The following PADI2 variants were observed in gnomAD, a reference collection of about 807,000 sequenced individuals.
The protein encoded by PADI2 is peptidyl arginine deiminase 2.
A neutral mutation model predicts 81.1 loss-of-function variants in PADI2; 70 were observed. The observed-to-expected ratio is 0.86, with a 90% CI of 0.71 to 1.05. PADI2 has a LOEUF of 1.05. PADI2 is among the 50% of genes least tolerant of loss of function. PADI2 has a pLI of 0.00. For missense variants in PADI2, 853 were observed against 889.9 expected (o/e 0.96, Z 0.53); for synonymous variants, 338 against 358.0 (o/e 0.94, Z 0.63).
intron 2 of PADI2, among the ~76,000 whole-genome samples, 164 bp from the exon 3 acceptor site, chr1:17,103,223 C>T (rs956099627): frequency 6.6e-6 from 1 of 152,184 alleles, no homozygotes; most frequent in Non-Finnish European, 1.5e-5. Context: ...GGTTGGTGGG[C>T]GGTTTCCCTC....
At chr1:17,093,138 C>G (rs1340026297) in intron 5 of PADI2, among the ~76,000 whole-genome samples, 1 of 151,004 alleles carries the variant, frequency 6.6e-6, no homozygotes. Flanking sequence ...CTCTGTTGCC[C>G]AGGCTGGAGT....
chr1:17,108,098 G>A (rs923473643), intron 1 of PADI2, among the ~76,000 whole-genome samples: 1 of 151,946 alleles, frequency 6.6e-6, no homozygotes, highest in Non-Finnish European at 1.5e-5. Flanking sequence ...ACAGGTGCCC[G>A]CCACCATGCC....
rs1485230981 is a variant in PADI2, at chr1:17,079,447, T to C, written c.1159-32A>G. 3 of 1,592,354 alleles carry C rather than the reference T, an allele frequency of 1.9e-6. No individual in the cohort carries two copies. In the South Asian group the frequency reaches 3.3e-5, roughly 18 times the overall value. On this transcript the variant is annotated intron_variant, in intron 10 of 15. Coordinates refer to ENST00000375486, the MANE Select transcript of PADI2 (RefSeq NM_007365.3). Reference sequence around the variant, plus strand: ...AGAGGGCACACACCTGCGTTAGTCTTCTGCAGCCAGGGTCCTCAGCCCCCA... The same window carrying C: ...AGAGGGCACACACCTGCGTTAGTCTCCTGCAGCCAGGGTCCTCAGCCCCCA...
intron 3 of PADI2, among the ~76,000 whole-genome samples, chr1:17,097,310 G>A (rs977167695): frequency 6.6e-6 from 1 of 152,174 alleles, no homozygotes; most frequent in Non-Finnish European, 1.5e-5. Flanking sequence ...GGCCAACCAA[G>A]CCCAGAGTCC....
intron 2 of PADI2, among the ~76,000 whole-genome samples, chr1:17,103,794 A>G (rs1044159766): frequency 3.4e-5 from 5 of 146,510 alleles, no homozygotes; most frequent in Admixed American, 1.4e-4. Context: ...CAGCCTGGGC[A>G]ATATAGTAAG....
At chr1:17,104,712 C>G (rs1931294075) in intron 2 of PADI2, among the ~76,000 whole-genome samples, 166 bp downstream of exon 2, 1 of 152,156 alleles carries the variant, frequency 6.6e-6, no homozygotes, top group South Asian at 2.1e-4. Context: ...GGATTACAGG[C>G]TTGAGCTACT....
intron 10 of PADI2, among the ~76,000 whole-genome samples, chr1:17,080,701 T>C (rs1042086832): frequency 3.3e-5 from 5 of 152,212 alleles, no homozygotes; most frequent in African/African-American, 4.8e-5. Flanking sequence ...CTCCAAAAAA[T>C]TGGAGTTAGC....
rs536201014 is a variant in PADI2, at chr1:17,102,497, G to C, written c.349+490C>G. Among the ~76,000 whole-genome samples the C allele has an allele frequency of 2.6e-5, 4 of 152,306 alleles. No homozygotes were observed. In the East Asian group the frequency reaches 5.8e-4, roughly 22 times the overall value. On this transcript the variant is annotated intron_variant, in intron 3 of 15. Coordinates refer to ENST00000375486, the MANE Select transcript of PADI2 (RefSeq NM_007365.3). ...CCTCTCTGGGCCTCACCATCCTGTG[G>C]ATCAAATGAAGGACTTGGACTAGGT...
chr1:17,098,079 A>G (rs1189679900), intron 3 of PADI2, among the ~76,000 whole-genome samples: 28 of 151,830 alleles, frequency 1.8e-4, no homozygotes, highest in Admixed American at 1.8e-3. Flanking sequence ...CCAGGCCCGC[A>G]GCAGGGAAGT....
intron 1 of PADI2, among the ~76,000 whole-genome samples, chr1:17,118,486 G>T (rs541935460): frequency 6.6e-6 from 1 of 152,104 alleles, no homozygotes; most frequent in Non-Finnish European, 1.5e-5. Context: ...TGGGATTGCG[G>T]GGGGAGTGGT....
intron 3 of PADI2, among the ~76,000 whole-genome samples, chr1:17,100,430 G>A (rs1459622035): frequency 5.9e-5 from 9 of 151,286 alleles, no homozygotes; most frequent in South Asian, 2.1e-4. Context: ...GATTACAGGC[G>A]TCCACCACCA....
chr1:17,111,694 T>C (rs1041777997), intron 1 of PADI2, among the ~76,000 whole-genome samples: 1 of 152,192 alleles, frequency 6.6e-6, no homozygotes, highest in Non-Finnish European at 1.5e-5. Flanking sequence ...GAGTTTCTGA[T>C]CTATCGACTG....
chr1:17,083,311 C>G (rs1033586133), intron 9 of PADI2: 1 of 190,310 alleles, frequency 5.3e-6, no homozygotes, highest in South Asian at 9.5e-5. Flanking sequence ...TGCCACTGCA[C>G]TCCAGCCTGG....
chr1:17,085,070 T>G (rs1368419777), intron 7 of PADI2, among the ~76,000 whole-genome samples: 7 of 152,208 alleles, frequency 4.6e-5, no homozygotes, highest in Non-Finnish European at 7.3e-5. Flanking sequence ...TCTTGTCCCA[T>G]CAAACTTCTC....
chr1:17,071,548 C>T (rs189273906), intron 13 of PADI2, 57 bp from the exon 14 acceptor site: 10 of 1,375,950 alleles, frequency 7.3e-6, no homozygotes, highest in South Asian at 2.3e-5. Context: ...GCTGAGTGTT[C>T]CCCTTTTGCC....
chr1:17,119,158 G>A lies in PADI2; in HGVS notation c.92+122C>T. On this transcript the variant is annotated intron_variant, in intron 1 of 15. Transcript: ENST00000375486. The surrounding 1 kb of genome is among the most constrained non-coding windows in gnomAD (Gnocchi z 4.8). ...TGAGATTCTTAGGATTTCTGGGCTC[G>A]GGGGCTCGGGATGAGGGACAACTCG... 1 of 643,974 alleles carries A rather than the reference G, an allele frequency of 1.6e-6. No individual in the cohort carries two copies. Among genetic ancestry groups the A allele is most frequent in the South Asian group, 2.1e-5 (1 of 46,908 alleles). 39.9% of individuals were successfully genotyped at this position (643,974 alleles called of 1,614,324 possible).
chr1:17,117,418 C>T (rs1441268702), intron 1 of PADI2, among the ~76,000 whole-genome samples: 3 of 152,058 alleles, frequency 2.0e-5, no homozygotes, highest in Non-Finnish European at 2.9e-5. Flanking sequence ...ATTTAAAATG[C>T]AATTGTGGTT....
In PADI2 at chr1:17,068,984, C is replaced by T; in HGVS notation, c.*60G>A. The T allele has an allele frequency of 8.0e-7, 1 of 1,245,628 alleles. No homozygotes were observed. Among genetic ancestry groups the T allele is most frequent in the East Asian group, 2.3e-5 (1 of 43,118 alleles). 77.2% of individuals were successfully genotyped at this position (1,245,628 alleles called of 1,614,324 possible). A position where few individuals can be genotyped will look rare whatever the true frequency, so the allele number is the denominator to read the frequency against. On this transcript the variant is annotated 3_prime_UTR_variant, in exon 16 of 16. Transcript: ENST00000375486. ...GTCCATGTCAGCAGAAGGCTCTGGG[C>T]GTGTGAGGGAGGGTCTGGAGAACTA...
At chr1:17,094,045 G>A (rs748345960) in intron 4 of PADI2, among the ~76,000 whole-genome samples, 23 of 152,100 alleles carry the variant, frequency 1.5e-4, no homozygotes, top group Admixed American at 3.9e-4. Context: ...AGGAGGAGAC[G>A]CCTGGATGGA....
Sources: gnomAD v4.1 joint callset for allele counts (sites outside exome capture counted in the v4.1 genomes callset) on GRCh38, gnomAD v4.1.1 for gene constraint, Gnocchi (gnomAD v3.1) non-coding constraint, MANE v1.5 for transcripts, NCBI Gene and HGNC (gene_info 2026-07-23, HGNC 2026-07-21) for gene names.